Variants in KCNQ2 observed in about 807,000 individuals in gnomAD.
KCNQ2 encodes potassium voltage-gated channel subfamily Q member 2.
In KCNQ2, 14 loss-of-function variants were observed where a neutral mutation model predicts 84.8. That is an observed-to-expected ratio of 0.17 (90% CI 0.11 to 0.26). The LOEUF is 0.26. Ranked by LOEUF, KCNQ2 falls within the 10% of genes least tolerant of loss-of-function variation. The pLI, the probability that KCNQ2 is intolerant of heterozygous loss-of-function variation, is 1.00. For missense variants in KCNQ2, 788 were observed against 1,254.0 expected (o/e 0.63, Z 5.61); for synonymous variants, 599 against 554.1 (o/e 1.08, Z -1.14).
chr20:63,412,793 C>T (rs1382903097), intron 15 of KCNQ2, among the ~76,000 whole-genome samples: 5 of 152,216 alleles, frequency 3.3e-5, no homozygotes, highest in Non-Finnish European at 5.9e-5. Context: ...GGAGCATGTC[C>T]CCTACTGCAG....
At position 63,424,204 on chromosome 20, in the gene KCNQ2, T is replaced by A; in HGVS notation, c.1220A>T (p.Lys407Met). 1 of 1,555,104 alleles carries A rather than the reference T, an allele frequency of 6.4e-7. No homozygotes were observed. The highest frequency in any genetic ancestry group is 8.7e-7 in the Non-Finnish European group (1 of 1,148,646). The change falls in exon 11 of 17, where the codon AAG becomes ATG. Residue 407 changes from lysine to methionine, a missense_variant and splice_region_variant. Physicochemically the swap from Lys to Met is moderately conservative, Grantham distance 95. Coordinates refer to ENST00000359125, the MANE Select transcript of KCNQ2 (RefSeq NM_172107.4). ...TGGAGACGGCTCCGGCGGGGGGTCCTTCCTTCAAACAGAAGCAACAGAGAG... is the reference window on the plus strand; with the variant it reads ...TGGAGACGGCTCCGGCGGGGGGTCCATCCTTCAAACAGAAGCAACAGAGAG... ...LKSKSGLAFR[K>M]DPPPEPSPSK...
intron 1 of KCNQ2, among the ~76,000 whole-genome samples, chr20:63,453,379 G>A (rs1448727254): frequency 6.6e-6 from 1 of 152,246 alleles, no homozygotes; most frequent in Non-Finnish European, 1.5e-5. Context: ...CGCAAGGGAC[G>A]TCCCATTTCC....
In KCNQ2 at chr20:63,408,677, A is replaced by T. The variant is rs2080022733; in HGVS notation, c.1764-141T>A. The T allele has an allele frequency of 7.7e-7, 1 of 1,301,514 alleles. No individual in the cohort carries two copies. Among genetic ancestry groups the T allele is most frequent in the Admixed American group, 2.0e-5 (1 of 50,326 alleles). 80.6% of individuals were successfully genotyped at this position (1,301,514 alleles called of 1,614,324 possible). ...AGCCGACCAGGGGGCAGTGGGTGCC[A>T]GGACAGATGGACGGGGTGCGCCCCG... On this transcript the variant is annotated intron_variant, in intron 15 of 16. Coordinates refer to ENST00000359125, the MANE Select transcript of KCNQ2 (RefSeq NM_172107.4). The surrounding 1 kb of genome is among the most constrained non-coding windows in gnomAD (Gnocchi z 5.0).
intron 1 of KCNQ2, among the ~76,000 whole-genome samples, chr20:63,450,180 C>T (rs2081566509): frequency 1.3e-5 from 2 of 151,626 alleles, no homozygotes; most frequent in Admixed American, 1.3e-4. Context: ...TCCCCCACCC[C>T]TCCCTCACCC....
chr20:63,454,002 T>C (rs2081697462), intron 1 of KCNQ2, among the ~76,000 whole-genome samples: 1 of 152,088 alleles, frequency 6.6e-6, no homozygotes, highest in South Asian at 2.1e-4. Context: ...AGGTCCCAAA[T>C]GTTCAGGACT....
chr20:63,443,311 C>T (rs200277593), intron 4 of KCNQ2, among the ~76,000 whole-genome samples: 47,422 of 64,412 alleles, frequency 0.74, 16,921 homozygotes, highest in East Asian at 0.9. Flanking sequence ...CCATCACCAT[C>T]ATCACCACCA....
intron 1 of KCNQ2, among the ~76,000 whole-genome samples, chr20:63,465,946 T>A (rs2082070350): frequency 6.6e-6 from 1 of 152,142 alleles, no homozygotes; most frequent in Non-Finnish European, 1.5e-5. Context: ...TCTGCTGCCG[T>A]CCCGAGGCGG....
chr20:63,411,680 G>A (rs538826424), intron 15 of KCNQ2: 14 of 525,308 alleles, frequency 2.7e-5, no homozygotes, highest in South Asian at 1.2e-4. Flanking sequence ...CCTCTGTCCC[G>A]GGGAAAGGGT....
chr20:63,406,292 C>A lies in KCNQ2; in HGVS notation c.*352G>T. The A allele has an allele frequency of 3.5e-6, 1 of 282,866 alleles. No homozygotes were observed. Among genetic ancestry groups the A allele is most frequent in the Non-Finnish European group, 6.7e-6 (1 of 148,474 alleles). The allele number at this position is 282,866 out of a possible 1,614,324, so 17.5% of individuals were successfully genotyped here. ...TCCCCTGGGCTCGGCTGAGACAACC[C>A]CCCGCCTGTTGCCACGCTGGCAACA... On this transcript the variant is annotated 3_prime_UTR_variant, in exon 17 of 17. Transcript: ENST00000359125.
At chr20:63,456,727 G>A (rs956340125) in intron 1 of KCNQ2, among the ~76,000 whole-genome samples, 1 of 152,314 alleles carries the variant, frequency 6.6e-6, no homozygotes, top group Middle Eastern at 3.4e-3. Context: ...AGAGGCCCAC[G>A]TGCGGATTGG....
rs2079846782 is a variant in KCNQ2, at chr20:63,403,319, A to G, written c.*3325T>C. ...TACTCCTTGTAGCCCCTCCCCAGGCAGCTTACACTCAGCAGGGTCAAAGAG... is the reference window on the plus strand; with the variant it reads ...TACTCCTTGTAGCCCCTCCCCAGGCGGCTTACACTCAGCAGGGTCAAAGAG... On this transcript the variant is annotated 3_prime_UTR_variant, in exon 17 of 17. Coordinates refer to ENST00000359125, the MANE Select transcript of KCNQ2 (RefSeq NM_172107.4). The G allele has an allele frequency of 6.6e-6, 1 of 152,336 alleles. No individual in the cohort carries two copies. Among genetic ancestry groups the G allele is most frequent in the South Asian group, 2.1e-4 (1 of 4,846 alleles). The allele number at this position is 152,336 out of a possible 1,614,324, so 9.4% of individuals were successfully genotyped here.
intron 7 of KCNQ2, 45 bp from the exon 8 acceptor site, chr20:63,433,948 G>C (rs1345867093): frequency 6.3e-7 from 1 of 1,577,802 alleles, no homozygotes; most frequent in Non-Finnish European, 8.7e-7. Context: ...CAGGCGGCGA[G>C]GGGCGCGCCC....
chr20:63,411,955 G>A, intron 15 of KCNQ2: 1 of 687,446 alleles, frequency 1.5e-6, no homozygotes, highest in East Asian at 2.8e-5. Flanking sequence ...GAGCTGGCCA[G>A]GAACTGGCGG....
intron 11 of KCNQ2, chr20:63,423,910 A>C: frequency 4.8e-4 from 164 of 340,764 alleles, no homozygotes; most frequent in East Asian, 1.9e-3. Context: ...GGGGTGGGGG[A>C]TCCCCCACCC....
intron 12 of KCNQ2, among the ~76,000 whole-genome samples, chr20:63,416,370 A>C (rs539683655): frequency 1.0e-3 from 154 of 152,236 alleles, no homozygotes; most frequent in South Asian, 5.8e-3. Flanking sequence ...GCCGGGCGAC[A>C]GTGAGGGGAG....
chr20:63,452,155 C>T (rs1380631501), intron 1 of KCNQ2, among the ~76,000 whole-genome samples: 3 of 152,156 alleles, frequency 2.0e-5, no homozygotes, highest in African/African-American at 7.2e-5. Flanking sequence ...GCACCCAAAC[C>T]AAAGATGAAG....
rs1272317605 is a variant in KCNQ2, at chr20:63,460,373, C to T, written c.296+11795G>A. On this transcript the variant is annotated intron_variant, in intron 1 of 16. Transcript: ENST00000359125. The surrounding 1 kb of genome is among the most constrained non-coding windows in gnomAD (Gnocchi z 5.4). The stretch of plus-strand genomic sequence containing the variant: ...TTCATGGGCTCAAGCTGCCTGTCAG[C>T]CCCACCCGAAACCCATTCAGGTGCT... Among the ~76,000 whole-genome samples the T allele has an allele frequency of 6.6e-6, 1 of 152,148 alleles. No individual in the cohort carries two copies. Among genetic ancestry groups the T allele is most frequent in the East Asian group, 1.9e-4 (1 of 5,182 alleles).
Position 63,414,180 on chromosome 20 carries a change from G to A in KCNQ2, c.1539C>T (p.Pro513=), listed in dbSNP as rs376713245. The change falls in exon 14 of 17, where the codon CCC becomes CCT. Residue 513 remains proline, a synonymous_variant. Coordinates refer to ENST00000359125, the MANE Select transcript of KCNQ2 (RefSeq NM_172107.4). This position sits in a 1 kb window ranked among gnomAD's most constrained non-coding sequence, Gnocchi z 6.6. ...SRQNSEEASL[P]GEDIVDDKSC... The stretch of plus-strand genomic sequence containing the variant: ...TCTTGTCATCCACAATGTCCTCTCC[G>A]GGGAGGCTTGCTTCTGGGGGGAAGG... 105 of 1,613,226 alleles carry A rather than the reference G, an allele frequency of 6.5e-5. No homozygotes were observed. Among genetic ancestry groups the A allele is most frequent in the Middle Eastern group, 3.3e-4 (2 of 6,082 alleles).
intron 7 of KCNQ2, among the ~76,000 whole-genome samples, chr20:63,435,985 C>CTTTT (rs56346120): frequency 7.1e-6 from 1 of 139,906 alleles, no homozygotes. Flanking sequence ...TGTGTGGTTT[C>CTTTT]TTTTTTTTTT....
Sources: allele counts gnomAD v4.1 joint callset (sites outside exome capture counted in the v4.1 genomes callset), GRCh38; gene constraint gnomAD v4.1.1; non-coding constraint Gnocchi (gnomAD v3.1); transcripts MANE v1.5; gene names NCBI Gene and HGNC (gene_info 2026-07-23, HGNC 2026-07-21).